Variants in FSTL4 observed in about 807,000 individuals in gnomAD.
FSTL4 encodes the protein follistatin like 4.
Under a neutral mutation model 78.2 loss-of-function variants are expected in FSTL4, and 28 were observed. The observed-to-expected ratio is 0.36, with a 90% CI of 0.27 to 0.49. The LOEUF (loss-of-function observed/expected upper bound fraction) is 0.49, where lower values mean the gene tolerates loss of function less well. Among genes scored for constraint, FSTL4 ranks in the 20% least tolerant of loss-of-function variants. FSTL4 has a pLI of 0.98. For missense variants in FSTL4, 922 were observed against 1,084.9 expected, an observed-to-expected ratio of 0.85 and a Z score of 2.11; for synonymous variants, 422 against 440.5, an observed-to-expected ratio of 0.96 and a Z score of 0.53.
At chr5:133,276,688 T>C in intron 6 of FSTL4, among the ~76,000 whole-genome samples, 1 of 152,248 alleles carries the variant, frequency 6.6e-6, no homozygotes, top group East Asian at 1.9e-4. Flanking sequence ...CTTGTTACTC[T>C]GTGCATATTC....
chr5:133,685,470 G>A, the FSTL4 span, among the ~76,000 whole-genome samples: 1 of 152,216 alleles, frequency 6.6e-6, no homozygotes, highest in Admixed American at 6.5e-5. Flanking sequence ...CTACAGAGAG[G>A]AAAACACCCA....
At chr5:133,407,372 C>T (rs1354288897) in intron 3 of FSTL4, among the ~76,000 whole-genome samples, 1 of 152,246 alleles carries the variant, frequency 6.6e-6, no homozygotes, top group Non-Finnish European at 1.5e-5. Flanking sequence ...GATGTATTCT[C>T]AGTGACCACA....
chr5:133,712,429 G>A, the FSTL4 span, among the ~76,000 whole-genome samples: 131 of 152,290 alleles, frequency 8.6e-4, no homozygotes, highest in Non-Finnish European at 1.4e-3. Flanking sequence ...AGAGTGGGTC[G>A]AGAGCTGATT....
intron 3 of FSTL4, among the ~76,000 whole-genome samples, chr5:133,558,439 T>C (rs1216225521): frequency 6.6e-6 from 1 of 151,970 alleles, no homozygotes. Context: ...CTGTGCACCA[T>C]CCAACTGCAC....
chr5:133,245,871 G>C (rs73788012), intron 7 of FSTL4, among the ~76,000 whole-genome samples: 2,416 of 152,306 alleles, frequency 0.016, 63 homozygotes, highest in African/African-American at 0.055. Flanking sequence ...GGGCATGCTT[G>C]ATGTTTGCAA....
chr5:133,573,712 A>G (rs978387712), intron 2 of FSTL4, among the ~76,000 whole-genome samples: 1 of 152,250 alleles, frequency 6.6e-6, no homozygotes, highest in Non-Finnish European at 1.5e-5. Context: ...GTTGAACACT[A>G]TAATTTTAAA....
intron 6 of FSTL4, among the ~76,000 whole-genome samples, chr5:133,306,984 C>T (rs773226711): frequency 3.3e-5 from 5 of 152,238 alleles, no homozygotes. Flanking sequence ...GGCAAAGTCT[C>T]ATGCTACTAA....
At chr5:133,243,931 G>A (rs1243180876) in intron 7 of FSTL4, 1 of 152,334 alleles carries the variant, frequency 6.6e-6, no homozygotes, top group African/African-American at 2.4e-5. Context: ...AGGATGTGCC[G>A]ACTAGGTTTG....
At chr5:133,228,024 C>T (rs560515566) in intron 8 of FSTL4, among the ~76,000 whole-genome samples, 1 of 151,994 alleles carries the variant, frequency 6.6e-6, no homozygotes, top group Non-Finnish European at 1.5e-5. Flanking sequence ...CCCACATGTT[C>T]GAGACTAGCC....
At chr5:133,655,924 ATAAAAGC>A in the FSTL4 span, among the ~76,000 whole-genome samples, 5 of 152,220 alleles carry the variant, frequency 3.3e-5, no homozygotes, top group Non-Finnish European at 5.9e-5. Flanking sequence ...AAAACCGAGC[ATAAAAGC>A]TCAAGTTCAC....
At chr5:133,261,981 T>A (rs1752535971) in intron 6 of FSTL4, among the ~76,000 whole-genome samples, 1 of 146,722 alleles carries the variant, frequency 6.8e-6, no homozygotes, top group East Asian at 2.0e-4. Context: ...AACAGCAGAG[T>A]GAGACCTAGT....
the FSTL4 span, among the ~76,000 whole-genome samples, chr5:133,735,278 C>T: frequency 1.3e-5 from 2 of 152,180 alleles, no homozygotes; most frequent in Admixed American, 1.3e-4. Flanking sequence ...GCCTGGCCAA[C>T]ACGGAGAAAC....
chr5:133,501,290 A>G (rs1758492578), intron 3 of FSTL4, among the ~76,000 whole-genome samples: 2 of 152,232 alleles, frequency 1.3e-5, no homozygotes, highest in Admixed American at 1.3e-4. Context: ...AATAAAAAGC[A>G]AAAGCAAACT....
At chr5:133,794,870 G>C in the FSTL4 span, among the ~76,000 whole-genome samples, 1 of 152,124 alleles carries the variant, frequency 6.6e-6, no homozygotes, top group Non-Finnish European at 1.5e-5. Context: ...AGCCACCCTT[G>C]AGCCATTCCT....
chr5:133,331,026 C>T (rs1361043107), intron 4 of FSTL4, among the ~76,000 whole-genome samples: 1 of 152,176 alleles, frequency 6.6e-6, no homozygotes, highest in African/African-American at 2.4e-5. Flanking sequence ...TGCCTGGGGG[C>T]CATGGAGGCT....
intron 3 of FSTL4, among the ~76,000 whole-genome samples, chr5:133,501,345 G>A (rs1157491990): frequency 6.6e-6 from 1 of 152,206 alleles, no homozygotes; most frequent in Non-Finnish European, 1.5e-5. Context: ...ATGTTTGAAG[G>A]ATGGAAGAGT....
At chr5:133,411,998 C>G (rs559149850) in intron 3 of FSTL4, among the ~76,000 whole-genome samples, 5 of 152,034 alleles carry the variant, frequency 3.3e-5, no homozygotes, top group Admixed American at 6.6e-5. Context: ...ACAAATTTGA[C>G]AAGAAAGCCA....
At chr5:133,764,972 C>A in the FSTL4 span, among the ~76,000 whole-genome samples, 2 of 152,346 alleles carry the variant, frequency 1.3e-5, 1 homozygote, top group East Asian at 3.9e-4. Flanking sequence ...CGTGGGGTAA[C>A]AATTTTCTCC....
the FSTL4 span, among the ~76,000 whole-genome samples, chr5:133,836,388 T>C: frequency 2.8e-4 from 43 of 152,328 alleles, no homozygotes; most frequent in African/African-American, 9.4e-4. Context: ...TAAAGTAAAT[T>C]AGTATTTTGT....
Sources: gnomAD v4.1 joint callset for allele counts (sites outside exome capture counted in the v4.1 genomes callset) on GRCh38, gnomAD v4.1.1 for gene constraint, MANE v1.5 for transcripts, NCBI Gene and HGNC (gene_info 2026-07-23, HGNC 2026-07-21) for gene names.